RUNX1: variants seen among roughly 807,000 people sequenced by gnomAD.
The protein encoded by RUNX1 is runt-related transcription factor 1.
RUNX1 carries 19 observed loss-of-function variants against 42.8 expected under a neutral mutation model. The ratio of observed to expected loss-of-function variants is 0.44; its 90% CI spans 0.31 to 0.65. The LOEUF (loss-of-function observed/expected upper bound fraction) is 0.65. Ranked by LOEUF, RUNX1 falls within the 30% of genes least tolerant of loss-of-function variation. The pLI is 0.07. For synonymous variants in RUNX1, 271 were observed against 289.4 expected (o/e 0.94, Z 0.64); for missense variants, 528 against 672.0 (o/e 0.79, Z 2.37).
intron 2 of RUNX1, among the ~76,000 whole-genome samples, chr21:34,909,406 T>C (rs2058253079): frequency 1.3e-5 from 2 of 152,062 alleles, no homozygotes; most frequent in South Asian, 4.1e-4. Context: ...TGTTCCTCCC[T>C]TGTCATTTTT....
intron 2 of RUNX1, among the ~76,000 whole-genome samples, chr21:34,982,525 T>TAAAA (rs3059344): frequency 1 from 152,240 of 152,246 alleles, 76,117 homozygotes; most frequent in Middle Eastern, 1. Context: ...GTTTATGTTT[T>TAAAA]ATATAGCCTC....
At chr21:34,977,319 T>G (rs1790419687) in intron 2 of RUNX1, among the ~76,000 whole-genome samples, 1 of 152,202 alleles carries the variant, frequency 6.6e-6, no homozygotes, top group African/African-American at 2.4e-5. Flanking sequence ...ATTGGTGAAC[T>G]GCTATTATCT....
intron 4 of RUNX1, 44 bp downstream of exon 4, chr21:34,886,799 G>A (rs2146406658): frequency 6.2e-7 from 1 of 1,610,594 alleles, no homozygotes; most frequent in Non-Finnish European, 8.5e-7. Flanking sequence ...CCCCGGCCTC[G>A]CCGGCCTCCG....
At chr21:34,992,958 G>A (rs1295022887) in intron 2 of RUNX1, among the ~76,000 whole-genome samples, 2 of 152,224 alleles carry the variant, frequency 1.3e-5, no homozygotes, top group Non-Finnish European at 2.9e-5. Flanking sequence ...GGAGGGGAGC[G>A]GAGACTCCCT....
intron 2 of RUNX1, among the ~76,000 whole-genome samples, chr21:34,986,852 C>A (rs1456457379): frequency 6.6e-6 from 1 of 152,138 alleles, no homozygotes; most frequent in Non-Finnish European, 1.5e-5. Context: ...TTTTAAACCA[C>A]ACAGTTTGTG....
chr21:34,864,653 G>T (rs2057630400), intron 5 of RUNX1, among the ~76,000 whole-genome samples: 1 of 152,204 alleles, frequency 6.6e-6, no homozygotes, highest in Non-Finnish European at 1.5e-5. Context: ...TGCATGGAAG[G>T]AAGCCAAGGA....
intron 5 of RUNX1, among the ~76,000 whole-genome samples, chr21:34,874,618 A>T (rs2057787912): frequency 1.4e-5 from 2 of 143,934 alleles, no homozygotes; most frequent in East Asian, 2.0e-4. Flanking sequence ...CTCAAAAAAA[A>T]AAAAAAAAAA....
intron 2 of RUNX1, among the ~76,000 whole-genome samples, chr21:34,960,161 TTC>T (rs1052779969): frequency 1.6e-4 from 25 of 152,008 alleles, no homozygotes; most frequent in African/African-American, 5.8e-4. Context: ...AACACAGCTG[TTC>T]TGTGTGTGGT....
At chr21:34,908,137 C>T (rs891095123) in intron 2 of RUNX1, among the ~76,000 whole-genome samples, 1 of 152,118 alleles carries the variant, frequency 6.6e-6, no homozygotes, top group Non-Finnish European at 1.5e-5. Context: ...TCTTCCCTTT[C>T]AAAGTGGTTT....
chr21:35,016,300 G>T (rs76036821), intron 2 of RUNX1, among the ~76,000 whole-genome samples: 6,274 of 152,232 alleles, frequency 0.041, 468 homozygotes, highest in African/African-American at 0.14. Context: ...CTAGAACAAA[G>T]GTTGCAGGAC....
At chr21:34,899,950 G>C (rs755975251) in intron 2 of RUNX1, among the ~76,000 whole-genome samples, 20 of 152,196 alleles carry the variant, frequency 1.3e-4, no homozygotes, top group Non-Finnish European at 2.5e-4. Flanking sequence ...TTTGAGACCA[G>C]CCTGGGCAAC....
At chr21:34,918,854 T>A (rs969074856) in intron 2 of RUNX1, among the ~76,000 whole-genome samples, 1 of 152,170 alleles carries the variant, frequency 6.6e-6, no homozygotes, top group African/African-American at 2.4e-5. Flanking sequence ...TGCAGTGAGC[T>A]GAGATCATGC....
chr21:34,973,595 A>G (rs1195099350), intron 2 of RUNX1, among the ~76,000 whole-genome samples: 2 of 152,222 alleles, frequency 1.3e-5, no homozygotes, highest in Non-Finnish European at 2.9e-5. Flanking sequence ...ATTCATCATT[A>G]CAATCCTCCT....
intron 6 of RUNX1, among the ~76,000 whole-genome samples, chr21:34,849,420 TATAG>T: frequency 4.1e-5 from 3 of 73,242 alleles, no homozygotes; most frequent in African/African-American, 5.5e-5. Flanking sequence ...TAATATATTA[TATAG>T]TATATATATT....
chr21:34,956,422 T>A (rs2058644369), intron 2 of RUNX1, among the ~76,000 whole-genome samples: 1 of 152,148 alleles, frequency 6.6e-6, no homozygotes, highest in Non-Finnish European at 1.5e-5. Flanking sequence ...ACACAGTCAT[T>A]TTTTTGTTGA....
chr21:35,033,578 T>C (rs530620664), intron 2 of RUNX1, among the ~76,000 whole-genome samples: 68 of 152,350 alleles, frequency 4.5e-4, no homozygotes, highest in Non-Finnish European at 9.1e-4. Context: ...ACAACAGCCC[T>C]GTCAGGTGCC....
At chr21:34,996,780 C>T (rs1320427489) in intron 2 of RUNX1, among the ~76,000 whole-genome samples, 2 of 151,964 alleles carry the variant, frequency 1.3e-5, no homozygotes, top group Admixed American at 1.3e-4. Context: ...AGGCGTTCTG[C>T]AGCACAACAT....
intron 2 of RUNX1, among the ~76,000 whole-genome samples, chr21:34,974,462 G>C (rs1245147797): frequency 6.6e-6 from 1 of 151,864 alleles, no homozygotes; most frequent in Non-Finnish European, 1.5e-5. Flanking sequence ...TTGTGGTTCA[G>C]CCAAGTTTTG....
At chr21:34,890,812 CA>C (rs747901400) in intron 3 of RUNX1, among the ~76,000 whole-genome samples, 1 of 151,248 alleles carries the variant, frequency 6.6e-6, no homozygotes, top group Non-Finnish European at 1.5e-5. Flanking sequence ...GCAGGGGCCG[CA>C]GCGCCTTTGC....
Sources: gnomAD v4.1 joint callset for allele counts (sites outside exome capture counted in the v4.1 genomes callset) on GRCh38, gnomAD v4.1.1 for gene constraint, MANE v1.5 for transcripts, NCBI Gene and HGNC (gene_info 2026-07-23, HGNC 2026-07-21) for gene names.